The following DST variants were observed in gnomAD, a reference collection of about 807,000 sequenced individuals.
DST encodes the protein bullous pemphigoid antigen.
A neutral mutation model predicts 875.2 loss-of-function variants in DST; 253 were observed. That is an observed-to-expected ratio of 0.29 (90% confidence interval 0.26 to 0.32). The LOEUF is 0.32. Among genes scored for constraint, DST ranks in the 10% least tolerant of loss-of-function variants. The pLI is 1.00. For synonymous variants in DST, 3,124 were observed against 3,197.1 expected, an observed-to-expected ratio of 0.98 and a Z score of 0.77; for missense variants, 8,287 against 9,111.6, an observed-to-expected ratio of 0.91 and a Z score of 3.68.
intron 4 of DST, among the ~76,000 whole-genome samples, chr6:56,816,009 T>A (rs773645752): frequency 1.1e-4 from 16 of 152,176 alleles, no homozygotes; most frequent in Non-Finnish European, 2.4e-4. Flanking sequence ...GATTGAGTAA[T>A]TTATCTACTT....
chr6:56,557,202 T>C, intron 59 of DST, 117 bp downstream of exon 59: 1 of 900,712 alleles, frequency 1.1e-6, no homozygotes, highest in African/African-American at 1.7e-5. Context: ...ACATATATAC[T>C]TCAAAGCAGT....
rs777458626 is a variant in DST at position 56,642,038 on chromosome 6, G to T, written c.1936C>A (p.Leu646Ile). 3.7e-5 allele frequency: 60 copies of T among 1,612,284 alleles called. 1 individual carries two copies. Among genetic ancestry groups the T allele is most frequent in the Non-Finnish European group, 5.0e-5 (59 of 1,178,586 alleles). ...QNEAEIAGYI[L>I]ECENLLRQHV... ...TGGCGTAAAAGGTTCTCACATTCAA[G>T]TATATACCCAGCAATTTCTGCTTCA... is the stretch of plus-strand genomic sequence containing the variant. The change falls in exon 17 of 104, where the codon CTT becomes ATT. Residue 646 changes from leucine to isoleucine, a missense_variant. By Grantham distance (5) the Leu-to-Ile change is conservative. Transcript: ENST00000680361.
intron 4 of DST, among the ~76,000 whole-genome samples, chr6:56,782,625 T>C (rs1162902141): frequency 1.3e-5 from 2 of 152,234 alleles, no homozygotes; most frequent in African/African-American, 4.8e-5. Flanking sequence ...TTTTTCTTTA[T>C]TAGTCTTGCT....
At chr6:56,812,991 C>T (rs2099762271) in intron 4 of DST, among the ~76,000 whole-genome samples, 2 of 151,742 alleles carry the variant, frequency 1.3e-5, no homozygotes, top group South Asian at 4.2e-4. Flanking sequence ...ACCCAAATGT[C>T]CAACAATGAT....
chr6:56,806,686 C>G (rs1324156169), intron 4 of DST, among the ~76,000 whole-genome samples: 2 of 152,176 alleles, frequency 1.3e-5, no homozygotes, highest in South Asian at 4.1e-4. Context: ...AACAGGCCAT[C>G]ATTACTTGAT....
At chr6:56,954,141 A>G (rs1349672595) in intron 1 of DST, among the ~76,000 whole-genome samples, 3 of 152,184 alleles carry the variant, frequency 2.0e-5, no homozygotes, top group Non-Finnish European at 4.4e-5. Flanking sequence ...AATTACCCTT[A>G]AGGCTTTAGC....
rs199936602 is a variant in DST, at chr6:56,555,681, G to T, written c.14800C>A (p.Gln4934Lys). 49 of 1,613,278 alleles carry T rather than the reference G, an allele frequency of 3.0e-5. No homozygotes were observed. Among genetic ancestry groups the T allele is most frequent in the Non-Finnish European group, 4.1e-5 (48 of 1,179,432 alleles). The change falls in exon 60 of 104, where the codon CAA becomes AAA. Residue 4934 changes from glutamine (Q) to lysine (K), a missense_variant. This residue lies in a region of DST where 1,513 missense variants were observed against 1,677.8 expected (regional missense o/e 0.90). Transcript: ENST00000680361. ...ATCCAGTCACATCTGTCACTCAATT[G>T]CCCTGTTAGGCTATCCCATTTTTGG... Reference protein sequence around the residue: ...VTQKWDSLTGQLSDRCDWIDQ... With the variant: ...VTQKWDSLTGKLSDRCDWIDQ...
chr6:56,821,525 C>T (rs2099773060), intron 4 of DST, among the ~76,000 whole-genome samples: 1 of 152,188 alleles, frequency 6.6e-6, no homozygotes. Flanking sequence ...TAACTGGGCT[C>T]CAGCTCCAAC....
intron 45 of DST, among the ~76,000 whole-genome samples, chr6:56,599,590 G>T (rs2098423957): frequency 6.6e-6 from 1 of 152,046 alleles, no homozygotes; most frequent in Admixed American, 6.6e-5. Context: ...CAATGAAAAT[G>T]TTCTCTGTCC....
At chr6:56,551,028 G>A (rs1453822992) in intron 61 of DST, among the ~76,000 whole-genome samples, 1 of 152,166 alleles carries the variant, frequency 6.6e-6, no homozygotes, top group Non-Finnish European at 1.5e-5. Flanking sequence ...CAAGAATCAA[G>A]AACTAAATAC....
At position 56,607,346 on chromosome 6, in the gene DST, T is replaced by C. The variant is rs748312246; in HGVS notation, c.7282A>G (p.Ile2428Val). 1.9e-5 allele frequency: 30 copies of C among 1,613,160 alleles called. No individual in the cohort carries two copies. The highest frequency in any genetic ancestry group is 2.5e-5 in the Non-Finnish European group (29 of 1,179,668). ...CTTAGCCTGGGGGAATAGTCAAAGA[T>C]AGGTGAATCCCTGTTTGTATTATCT... ...NEDNTNRDSPIFDYSPRLSAL... is the reference protein window; with the variant it reads ...NEDNTNRDSPVFDYSPRLSAL... Residue 2428 changes from isoleucine to valine, a missense_variant, in exon 40 of 104, where the codon ATC becomes GTC. Around this residue, in one of 10 missense-constraint regions of DST, gnomAD observed 3,138 missense variants for 3,116.6 expected, o/e 1.01. Transcript: ENST00000680361.
At chr6:56,686,813 C>A (rs1276353385) in intron 9 of DST, among the ~76,000 whole-genome samples, 3 of 152,174 alleles carry the variant, frequency 2.0e-5, no homozygotes, top group Non-Finnish European at 4.4e-5. Flanking sequence ...CAAAGTATTT[C>A]CTCTTTTCTC....
chr6:56,926,013 G>A (rs879362789), intron 2 of DST, among the ~76,000 whole-genome samples: 4 of 152,192 alleles, frequency 2.6e-5, no homozygotes, highest in Admixed American at 6.5e-5. Flanking sequence ...ATATGCCTTC[G>A]AGTAAGCAGA....
chr6:56,644,997 A>C (rs2098933864), intron 15 of DST, among the ~76,000 whole-genome samples: 1 of 152,228 alleles, frequency 6.6e-6, no homozygotes, highest in Non-Finnish European at 1.5e-5. Context: ...GTTCCCCTGC[A>C]CAAGCTCTTG....
At chr6:56,899,262 A>G (rs1792875728) in intron 3 of DST, among the ~76,000 whole-genome samples, 2 of 152,176 alleles carry the variant, frequency 1.3e-5, no homozygotes, top group South Asian at 2.1e-4. Flanking sequence ...AAATTTTCCT[A>G]CCATTTCATA....
intron 46 of DST, 86 bp from the exon 47 acceptor site, chr6:56,598,092 T>G: frequency 7.8e-7 from 1 of 1,282,026 alleles, no homozygotes; most frequent in Non-Finnish European, 1.0e-6. Context: ...ACTTAGAACA[T>G]TTTAAATTAG....
chr6:56,693,009 G>A (rs1234465500), intron 9 of DST: 1 of 1,289,590 alleles, frequency 7.8e-7, no homozygotes, highest in Non-Finnish European at 1.0e-6. Flanking sequence ...CTGACTCTTT[G>A]TCACCTCCAG....
At chr6:56,586,102 T>A (rs374635329) in intron 49 of DST, among the ~76,000 whole-genome samples, 1 of 152,202 alleles carries the variant, frequency 6.6e-6, no homozygotes, top group South Asian at 2.1e-4. Context: ...TCTGCAGATG[T>A]CTATTAGGTC....
intron 4 of DST, among the ~76,000 whole-genome samples, chr6:56,837,596 A>G (rs2099795219): frequency 6.6e-6 from 1 of 152,156 alleles, no homozygotes; most frequent in African/African-American, 2.4e-5. Flanking sequence ...ATTGCTTTCA[A>G]TCTGGTACAG....
Sources: gnomAD v4.1 joint callset for allele counts (sites outside exome capture counted in the v4.1 genomes callset) on GRCh38, gnomAD v4.1.1 for gene constraint, gnomAD v4.1.1 regional missense constraint, MANE v1.5 for transcripts, NCBI Gene and HGNC (gene_info 2026-07-23, HGNC 2026-07-21) for gene names.